Variants in IFT25 observed in about 807,000 individuals in gnomAD.
IFT25 encodes intraflagellar transport protein 25 homolog.
the IFT25 span, among the ~76,000 whole-genome samples, chr1:53,931,137 C>G: frequency 6.6e-6 from 1 of 152,180 alleles, no homozygotes; most frequent in Non-Finnish European, 1.5e-5. Context: ...GCTCTGATTT[C>G]TATCACCACC....
At chr1:53,928,390 C>T in the IFT25 span, 1 of 1,613,156 alleles carries the variant, frequency 6.2e-7, no homozygotes. Context: ...ATCCATTGCT[C>T]AAAATCAACT....
chr1:53,933,135 CTTTT>C, the IFT25 span, among the ~76,000 whole-genome samples: 3 of 131,264 alleles, frequency 2.3e-5, no homozygotes, highest in Admixed American at 7.6e-5. Context: ...TCCTTTTTCT[CTTTT>C]TTTTTTTTTT....
At chr1:53,926,288 G>A in the IFT25 span, among the ~76,000 whole-genome samples, 1 of 151,960 alleles carries the variant, frequency 6.6e-6, no homozygotes, top group African/African-American at 2.4e-5. Flanking sequence ...TGGGACTACA[G>A]GTGCATGCCA....
At chr1:53,944,382 C>T in the IFT25 span, among the ~76,000 whole-genome samples, 1 of 152,198 alleles carries the variant, frequency 6.6e-6, no homozygotes, top group Non-Finnish European at 1.5e-5. Flanking sequence ...TGGTGGCAGG[C>T]GCCTGTAATC....
chr1:53,934,328 T>C, the IFT25 span, among the ~76,000 whole-genome samples: 1 of 152,370 alleles, frequency 6.6e-6, no homozygotes, highest in South Asian at 2.1e-4. Flanking sequence ...TTAAAAGATA[T>C]TGCTCCATTG....
the IFT25 span, among the ~76,000 whole-genome samples, chr1:53,913,720 CA>C: frequency 6.6e-6 from 1 of 152,104 alleles, no homozygotes; most frequent in African/African-American, 2.4e-5. Flanking sequence ...TATTTGGAGA[CA>C]GGGCCTATAT....
chr1:53,911,808 A>G, the IFT25 span, among the ~76,000 whole-genome samples: 1 of 152,206 alleles, frequency 6.6e-6, no homozygotes, highest in Non-Finnish European at 1.5e-5. Context: ...ATCTTGACCT[A>G]TAAAACAGGG....
At chr1:53,917,850 T>C in the IFT25 span, among the ~76,000 whole-genome samples, 6 of 151,942 alleles carry the variant, frequency 3.9e-5, no homozygotes, top group African/African-American at 1.5e-4. Context: ...AAAAAAGTCA[T>C]TTTTCAGTTT....
chr1:53,916,306 G>A, the IFT25 span, among the ~76,000 whole-genome samples: 1 of 152,122 alleles, frequency 6.6e-6, no homozygotes, highest in Non-Finnish European at 1.5e-5. Context: ...TAATGAGAAT[G>A]AGTTTTTTAA....
chr1:53,916,722 T>C, the IFT25 span: 3 of 356,056 alleles, frequency 8.4e-6, no homozygotes, highest in Non-Finnish European at 1.5e-5. Context: ...CTTTTTGCTC[T>C]ACTCAGACTT....
chr1:53,916,407 C>T, the IFT25 span, among the ~76,000 whole-genome samples: 1 of 152,164 alleles, frequency 6.6e-6, no homozygotes, highest in Non-Finnish European at 1.5e-5. Context: ...CCTGCATCCA[C>T]AGAAGACAGA....
chr1:53,940,210 T>G, the IFT25 span: 1 of 608,656 alleles, frequency 1.6e-6, no homozygotes, highest in Admixed American at 3.1e-5. Flanking sequence ...ACACCCAAGC[T>G]ATTCAACATG....
At chr1:53,928,277 C>A in the IFT25 span, 1 of 1,009,788 alleles carries the variant, frequency 9.9e-7, no homozygotes. Flanking sequence ...TTAAAGTCAT[C>A]TTTTTTCACC....
chr1:53,934,791 G>C, the IFT25 span, among the ~76,000 whole-genome samples: 2 of 152,136 alleles, frequency 1.3e-5, no homozygotes, highest in African/African-American at 4.8e-5. Flanking sequence ...TTGAGGTCAG[G>C]AGTTCAAGAC....
the IFT25 span, among the ~76,000 whole-genome samples, chr1:53,926,448 C>G: frequency 6.6e-6 from 1 of 152,192 alleles, no homozygotes; most frequent in Non-Finnish European, 1.5e-5. Context: ...CTAGCTTCCC[C>G]TAAATACTTA....
At chr1:53,933,085 A>G in the IFT25 span, among the ~76,000 whole-genome samples, 1 of 151,226 alleles carries the variant, frequency 6.6e-6, no homozygotes, top group Admixed American at 6.6e-5. Context: ...AGTTTAAAGA[A>G]CTATTATTAG....
At chr1:53,915,552 G>C in the IFT25 span, among the ~76,000 whole-genome samples, 1 of 152,164 alleles carries the variant, frequency 6.6e-6, no homozygotes. Flanking sequence ...GGGTGACTGC[G>C]TCAGGTCCCT....
chr1:53,936,546 C>T, the IFT25 span, among the ~76,000 whole-genome samples: 1 of 152,142 alleles, frequency 6.6e-6, no homozygotes, highest in Admixed American at 6.5e-5. Context: ...TTATAGCTAA[C>T]ACCTATTTTA....
At chr1:53,915,282 A>G in the IFT25 span, among the ~76,000 whole-genome samples, 4 of 152,218 alleles carry the variant, frequency 2.6e-5, no homozygotes, top group African/African-American at 7.2e-5. Flanking sequence ...GATGATAAAC[A>G]TGATATACAT....
Sources: allele counts gnomAD v4.1 joint callset (sites outside exome capture counted in the v4.1 genomes callset), GRCh38; gene constraint gnomAD v4.1.1; transcripts MANE v1.5; gene names NCBI Gene and HGNC (gene_info 2026-07-23, HGNC 2026-07-21).